Variants in SLC26A1 observed in about 807,000 individuals in gnomAD.
SLC26A1 encodes sulfate anion transporter 1.
A neutral mutation model predicts 14.5 loss-of-function variants in SLC26A1; 18 were observed. The ratio of observed to expected loss-of-function variants is 1.24; its 90% CI spans 0.86 to 1.84. SLC26A1 has a LOEUF of 1.84. Ranked by LOEUF, SLC26A1 falls within the 40% of genes most tolerant of loss-of-function variation. The probability of loss-of-function intolerance (pLI) is 0.00; values close to 1 mark genes in which losing one functional copy is unlikely to be tolerated. For synonymous variants in SLC26A1, 505 were observed against 492.0 expected (o/e 1.03, Z -0.35); for missense variants, 1,049 against 1,020.0 (o/e 1.03, Z -0.39).
At position 989,655 on chromosome 4, in the gene SLC26A1, C is replaced by T. The variant is rs144076450; in HGVS notation, c.1284G>A (p.Leu428=). The change falls in exon 3 of 3, where the codon CTG becomes CTA. Residue 428 remains leucine (L), a synonymous_variant. Coordinates refer to ENST00000398516, the MANE Select transcript of SLC26A1 (RefSeq NM_022042.4). ...VSATVVLLVL[L]ALAPLFHDLQ... The stretch of plus-strand genomic sequence containing the variant: ...GGTCGTGGAACAGCGGTGCCAGCGC[C>T]AGCAGCACCAGCAGCACCACGGTGG... The T allele has an allele frequency of 2.6e-4, 406 of 1,577,020 alleles. 1 individual carries two copies. In the African/African-American group the frequency reaches 4.7e-3, roughly 18 times the overall value.
At position 987,762 on chromosome 4, in the gene SLC26A1, C is replaced by T; in HGVS notation, c.*1071G>A. 2 of 1,610,158 alleles carry T rather than the reference C, an allele frequency of 1.2e-6. No homozygotes were observed. Among genetic ancestry groups the T allele is most frequent in the Non-Finnish European group, 1.7e-6 (2 of 1,179,034 alleles). Reference sequence around the variant, plus strand: ...TGAACGTGTGTGTCAGCCGCGCTGCCAGCCATGCTGAGGCTCGGGACTGAG... The same window carrying T: ...TGAACGTGTGTGTCAGCCGCGCTGCTAGCCATGCTGAGGCTCGGGACTGAG... On this transcript the variant is annotated 3_prime_UTR_variant, in exon 3 of 3. Transcript: ENST00000398516.
chr4:987,741 CGTGT>C lies in SLC26A1; in HGVS notation c.*1088_*1091del, dbSNP rs1713849099. The C allele has an allele frequency of 8.1e-6, 13 of 1,603,902 alleles. No homozygotes were observed. Among genetic ancestry groups the C allele is most frequent in the Non-Finnish European group, 9.4e-6 (11 of 1,176,408 alleles). ...GCGCCCGGGCAGTCCTGGGCTTGAA[CGTGT>C]GTGTCAGCCGCGCTGCCAGCCATGC... On this transcript the variant is annotated 3_prime_UTR_variant, in exon 3 of 3. Coordinates refer to ENST00000398516, the MANE Select transcript of SLC26A1 (RefSeq NM_022042.4).
chr4:993,092 C>T (rs1334122811), intron 1 of SLC26A1, among the ~76,000 whole-genome samples: 9 of 152,130 alleles, frequency 5.9e-5, no homozygotes, highest in Non-Finnish European at 1.2e-4. Flanking sequence ...GTGTCCCCTT[C>T]CCTGGAAGAC....
chr4:990,958 C>A, intron 2 of SLC26A1, 170 bp downstream of exon 2: 1 of 665,478 alleles, frequency 1.5e-6, no homozygotes, highest in Non-Finnish European at 2.4e-6. Flanking sequence ...CGCGTCGGTG[C>A]CTCGCCCTGG....
chr4:990,660 C>T (rs1255593144), intron 2 of SLC26A1: 30 of 469,316 alleles, frequency 6.4e-5, no homozygotes, highest in East Asian at 1.1e-4. Flanking sequence ...ATTAAGACCT[C>T]TGGTATCAGA....
rs763167239 is a variant in SLC26A1 at position 987,979 on chromosome 4, A to G, written c.*854T>C. 6 of 1,547,746 alleles carry G rather than the reference A, an allele frequency of 3.9e-6. No homozygotes were observed. The South Asian group carries it at 7.1e-5, about 18-fold the overall frequency. On this transcript the variant is annotated 3_prime_UTR_variant, in exon 3 of 3. Transcript: ENST00000398516. ...GCGGCGGGCAGGGTCTGGGCGTCCC[A>G]GAGCCCCTTACAGAGGCACAGATGG... is the stretch of plus-strand genomic sequence containing the variant.
chr4:988,214 G>T lies in SLC26A1; in HGVS notation c.*619C>A, dbSNP rs1050589252. On this transcript the variant is annotated 3_prime_UTR_variant, in exon 3 of 3. Coordinates refer to ENST00000398516, the MANE Select transcript of SLC26A1 (RefSeq NM_022042.4). ...CGCACCTGGCTCCTGGTGCACCCGT[G>T]AGCATCCCTGTGTGTGTCTGCTGGC... The T allele has an allele frequency of 3.0e-6, 4 of 1,338,014 alleles. No individual in the cohort carries two copies. The highest frequency in any genetic ancestry group is 3.3e-5 in the Admixed American group (1 of 30,192). 82.9% of individuals were successfully genotyped at this position (1,338,014 alleles called of 1,614,324 possible). A position where few individuals can be genotyped will look rare whatever the true frequency, so the allele number is the denominator to read the frequency against.
At position 987,763 on chromosome 4, in the gene SLC26A1, A is replaced by T; in HGVS notation, c.*1070T>A. On this transcript the variant is annotated 3_prime_UTR_variant, in exon 3 of 3. Transcript: ENST00000398516. Reference sequence around the variant, plus strand: ...GAACGTGTGTGTCAGCCGCGCTGCCAGCCATGCTGAGGCTCGGGACTGAGC... The same window carrying T: ...GAACGTGTGTGTCAGCCGCGCTGCCTGCCATGCTGAGGCTCGGGACTGAGC... The T allele has an allele frequency of 1.9e-6, 3 of 1,610,258 alleles. No individual in the cohort carries two copies. The South Asian group carries it at 3.3e-5, about 18-fold the overall frequency.
At chr4:979,114 A>C (rs1334172111) in exon 3 of SLC26A1, 3 of 253,130 alleles carry the variant, frequency 1.2e-5, no homozygotes, top group Non-Finnish European at 2.2e-5. Flanking sequence ...GGAAGACGAA[A>C]GGTAATCCTC....
intron 2 of SLC26A1, 199 bp from the exon 3 acceptor site, chr4:990,561 G>A: frequency 3.3e-6 from 2 of 602,410 alleles, no homozygotes; most frequent in South Asian, 4.0e-5. Context: ...GCAGACAACT[G>A]TGACATCCAC....
In SLC26A1 at chr4:987,744, G is replaced by A; in HGVS notation, c.*1089C>T. On this transcript the variant is annotated 3_prime_UTR_variant, in exon 3 of 3. Transcript: ENST00000398516. Reference sequence around the variant, plus strand: ...CCCGGGCAGTCCTGGGCTTGAACGTGTGTGTCAGCCGCGCTGCCAGCCATG... The same window carrying A: ...CCCGGGCAGTCCTGGGCTTGAACGTATGTGTCAGCCGCGCTGCCAGCCATG... 1 of 1,605,348 alleles carries A rather than the reference G, an allele frequency of 6.2e-7. No individual in the cohort carries two copies. The highest frequency in any genetic ancestry group is 8.5e-7 in the Non-Finnish European group (1 of 1,177,058).
chr4:992,604 A>G (rs1466031726), intron 1 of SLC26A1: 1 of 191,072 alleles, frequency 5.2e-6, no homozygotes, highest in East Asian at 1.6e-4. Flanking sequence ...CCTTTTTCCC[A>G]GGCTGCACCA....
chr4:986,728 G>T, downstream of SLC26A1: 1 of 464,574 alleles, frequency 2.2e-6, no homozygotes, highest in South Asian at 1.5e-5. Context: ...CTGCACCTCA[G>T]CCTGGGCGAC....
chr4:982,394 C>T (rs1253837877), intron 2 of SLC26A1, among the ~76,000 whole-genome samples: 2 of 152,228 alleles, frequency 1.3e-5, no homozygotes, highest in Non-Finnish European at 2.9e-5. Flanking sequence ...AGGAGGTCAC[C>T]TCCCGTAAAC....
At chr4:987,410 G>C (rs943789035), downstream of SLC26A1, among the ~76,000 whole-genome samples, 2 of 152,146 alleles carry the variant, frequency 1.3e-5, no homozygotes, top group Non-Finnish European at 2.9e-5. Context: ...CACCTGAGTG[G>C]GCGCCGGGGC....
Position 989,053 on chromosome 4 carries a change from G to A in SLC26A1, c.1886C>T (p.Thr629Met), listed in dbSNP as rs387907484. The part of the protein sequence containing the change: ...LLFLDAAGVS[T>M]LQDLRRDYGA... ...GTAGTCTCGGCGCAGGTCCTGCAGC[G>A]TGCTCACACCGGCTGCGTCTAGGAA... Residue 629 changes from threonine (T) to methionine (M), a missense_variant, in exon 3 of 3, where the codon ACG (threonine) becomes ATG (methionine). Coordinates refer to ENST00000398516, the MANE Select transcript of SLC26A1 (RefSeq NM_022042.4). The A allele has an allele frequency of 1.5e-5, 23 of 1,585,190 alleles. No homozygotes were observed. The highest frequency in any genetic ancestry group is 3.4e-5 in the South Asian group (3 of 87,762).
chr4:989,570 C>G lies in SLC26A1; in HGVS notation c.1369G>C (p.Val457Leu). ...VVSLRGALRKVWDLPRLWRMS... is the reference protein window; with the variant it reads ...VVSLRGALRKLWDLPRLWRMS... ...CGCCACAGCCGCGGGAGGTCCCACA[C>G]CTTGCGCAGGGCCCCCCGCAGGCTG... Residue 457 changes from valine to leucine, a missense_variant, in exon 3 of 3, where the codon GTG (valine) becomes CTG (leucine). Physicochemically the swap from Val to Leu is conservative, Grantham distance 32. Coordinates refer to ENST00000398516, the MANE Select transcript of SLC26A1 (RefSeq NM_022042.4). 2 of 1,592,350 alleles carry G rather than the reference C, an allele frequency of 1.3e-6. No homozygotes were observed. Among genetic ancestry groups the G allele is most frequent in the Non-Finnish European group, 1.7e-6 (2 of 1,171,160 alleles).
chr4:988,891 G>A lies in SLC26A1; in HGVS notation c.2048C>T (p.Ala683Val). 6.2e-7 allele frequency: 1 copy of A among 1,602,996 alleles called. No homozygotes were observed. Among genetic ancestry groups the A allele is most frequent in the East Asian group, 2.3e-5 (1 of 44,060 alleles). ...EEQLFLSVHD[A>V]VQTARARHRE... ...GTGGCGGGCTCGTGCTGTCTGCACG[G>A]CATCGTGCACACTGAGGAACAGCTG... Residue 683 changes from alanine to valine, a missense_variant, in exon 3 of 3, where the codon GCC becomes GTC. Physicochemically the swap from Ala to Val is moderately conservative, Grantham distance 64. Coordinates refer to ENST00000398516, the MANE Select transcript of SLC26A1 (RefSeq NM_022042.4).
intron 1 of SLC26A1, chr4:992,249 T>C: frequency 2.2e-6 from 1 of 456,296 alleles, no homozygotes; most frequent in South Asian, 1.6e-5. Flanking sequence ...ACGGTCCTGC[T>C]GTCCACCCCA....
Sources: gnomAD v4.1 joint callset for allele counts (sites outside exome capture counted in the v4.1 genomes callset) on GRCh38, gnomAD v4.1.1 for gene constraint, MANE v1.5 for transcripts, NCBI Gene and HGNC (gene_info 2026-07-23, HGNC 2026-07-21) for gene names.